Variants in ATL2 observed in about 807,000 individuals in gnomAD.
ATL2 encodes the protein atlastin-2.
Under a neutral mutation model 73.9 loss-of-function variants are expected in ATL2, and 31 were observed. The observed-to-expected ratio is 0.42, with a 90% CI of 0.32 to 0.57. The LOEUF (loss-of-function observed/expected upper bound fraction) is 0.57. Among genes scored for constraint, ATL2 ranks in the 20% least tolerant of loss-of-function variants. The pLI is 0.14. For missense variants in ATL2, 738 were observed against 702.6 expected (o/e 1.05, Z -0.57); for synonymous variants, 291 against 237.5 (o/e 1.23, Z -2.07).
At chr2:38,358,290 T>C (rs778022132) in intron 1 of ATL2, among the ~76,000 whole-genome samples, 1 of 152,194 alleles carries the variant, frequency 6.6e-6, no homozygotes. Context: ...GGGAGACTGC[T>C]AATACTGTGA....
chr2:38,340,316 G>A (rs925849510), intron 2 of ATL2, among the ~76,000 whole-genome samples: 1 of 151,490 alleles, frequency 6.6e-6, no homozygotes, highest in Admixed American at 6.6e-5. Flanking sequence ...CACCTTTTCT[G>A]CATGTAAATT....
At chr2:38,332,762 T>G (rs373918830) in intron 2 of ATL2, among the ~76,000 whole-genome samples, 1 of 152,228 alleles carries the variant, frequency 6.6e-6, no homozygotes, top group African/African-American at 2.4e-5. Flanking sequence ...AAGTTTCTGT[T>G]GACTGTCCAT....
intron 1 of ATL2, chr2:38,353,938 A>T (rs1383212868): frequency 1.1e-5 from 2 of 188,292 alleles, no homozygotes; most frequent in African/African-American, 4.8e-5. Flanking sequence ...CACGCCTGTA[A>T]TCCCAGCACT....
At chr2:38,360,145 A>C (rs975502660) in intron 1 of ATL2, among the ~76,000 whole-genome samples, 7 of 151,668 alleles carry the variant, frequency 4.6e-5, no homozygotes. Flanking sequence ...AAAAAAAAAA[A>C]AAAAGAATAC....
At chr2:38,312,253 G>T (rs1245155750) in intron 7 of ATL2, among the ~76,000 whole-genome samples, 1 of 152,146 alleles carries the variant, frequency 6.6e-6, no homozygotes, top group Non-Finnish European at 1.5e-5. Flanking sequence ...ATCTCAAATT[G>T]TAATGCCCAT....
At chr2:38,315,383 T>C in intron 4 of ATL2, 49 bp from the exon 5 acceptor site, 2 of 1,479,048 alleles carry the variant, frequency 1.4e-6, no homozygotes, top group African/African-American at 1.5e-5. Context: ...TTGTTCTGAA[T>C]ACCCAGCTTC....
In ATL2 at chr2:38,316,411, A is replaced by G. The variant is rs560785062; in HGVS notation, c.604-1077T>C. Among the ~76,000 whole-genome samples the G allele has an allele frequency of 1.3e-3, 201 of 152,288 alleles. 1 individual carries two copies. The highest frequency in any genetic ancestry group is 4.3e-3 in the African/African-American group (177 of 41,560). On this transcript the variant is annotated intron_variant, in intron 4 of 12. Transcript: ENST00000378954. ...CCAGGTTGCAAACAGCAAACAGAGA[A>G]AGAGATTTATTTAACTTAGATCATT...
chr2:38,341,447 G>GTTC (rs1669712657), intron 2 of ATL2, among the ~76,000 whole-genome samples: 1 of 152,046 alleles, frequency 6.6e-6, no homozygotes, highest in Admixed American at 6.6e-5. Flanking sequence ...GACCAGCCTG[G>GTTC]ACAACATAGT....
At chr2:38,377,672 T>C (rs908429627), upstream of ATL2, among the ~76,000 whole-genome samples, 1 of 152,166 alleles carries the variant, frequency 6.6e-6, no homozygotes, top group African/African-American at 2.4e-5. Flanking sequence ...TTTACATCTC[T>C]AATCGTTGAT....
At chr2:38,375,352 T>C (rs1671900491) in intron 1 of ATL2, among the ~76,000 whole-genome samples, 1 of 152,198 alleles carries the variant, frequency 6.6e-6, no homozygotes, top group Non-Finnish European at 1.5e-5. Flanking sequence ...ACAGGGACTG[T>C]TTTAGGCAAT....
intron 2 of ATL2, among the ~76,000 whole-genome samples, chr2:38,319,840 G>A (rs974181991): frequency 1.3e-5 from 2 of 152,122 alleles, no homozygotes; most frequent in Non-Finnish European, 1.5e-5. Flanking sequence ...GGGTGCAGTG[G>A]CTCATGCCTG....
chr2:38,315,245 C>T, intron 5 of ATL2, 39 bp downstream of exon 5: 3 of 1,439,124 alleles, frequency 2.1e-6, no homozygotes, highest in Non-Finnish European at 2.7e-6. Flanking sequence ...GAGCGAAACT[C>T]CATCTCAAAA....
At chr2:38,329,988 G>T (rs1359325888) in intron 2 of ATL2, among the ~76,000 whole-genome samples, 1 of 151,990 alleles carries the variant, frequency 6.6e-6, no homozygotes. Context: ...AATTAGCCAG[G>T]CACGGTGGTA....
chr2:38,349,231 C>T (rs1451103479), intron 1 of ATL2, among the ~76,000 whole-genome samples: 3 of 151,994 alleles, frequency 2.0e-5, no homozygotes, highest in Admixed American at 6.6e-5. Flanking sequence ...CACGTATGTT[C>T]GTTGTGGCAC....
chr2:38,338,202 G>C (rs1439374275), intron 2 of ATL2, among the ~76,000 whole-genome samples: 1 of 152,192 alleles, frequency 6.6e-6, no homozygotes. Flanking sequence ...GCAAATTAAT[G>C]CAGGAACAGA....
chr2:38,315,151 T>C, intron 5 of ATL2, 133 bp downstream of exon 5: 2 of 898,386 alleles, frequency 2.2e-6, no homozygotes, highest in Non-Finnish European at 3.0e-6. Context: ...CTTGGGAGGC[T>C]GAGGCAGGAG....
rs1300624048 is a variant in ATL2 at position 38,304,112 on chromosome 2, C to CACA, written c.1072-3787_1072-3785dup. Reference sequence around the variant, plus strand: ...GGCCCCATTTCTATTAAACCACCACCACAACAACAACAAGAAGCACGAATG... The same window carrying CACA: ...GGCCCCATTTCTATTAAACCACCACCACAACAACAACAACAAGAAGCACGAATG... On this transcript the variant is annotated intron_variant, in intron 9 of 12. Transcript: ENST00000378954. Among the ~76,000 whole-genome samples the CACA allele has an allele frequency of 1.1e-4, 17 of 152,154 alleles. No homozygotes were observed. In the East Asian group the frequency reaches 2.5e-3, roughly 22 times the overall value.
intron 1 of ATL2, among the ~76,000 whole-genome samples, chr2:38,365,546 T>C (rs1174812274): frequency 1.3e-5 from 2 of 152,100 alleles, no homozygotes; most frequent in African/African-American, 4.8e-5. Flanking sequence ...ATCTTAGCAC[T>C]TTCGGAGGCC....
intron 10 of ATL2, among the ~76,000 whole-genome samples, chr2:38,300,056 T>C (rs2148402684): frequency 6.6e-6 from 1 of 152,240 alleles, no homozygotes; most frequent in Middle Eastern, 3.4e-3. Flanking sequence ...GACTCTTATT[T>C]CTGGTGGCCT....
Sources: gnomAD v4.1 joint callset for allele counts (sites outside exome capture counted in the v4.1 genomes callset) on GRCh38, gnomAD v4.1.1 for gene constraint, MANE v1.5 for transcripts, NCBI Gene and HGNC (gene_info 2026-07-23, HGNC 2026-07-21) for gene names.